SLC13A4: variants seen among roughly 807,000 people sequenced by gnomAD.
SLC13A4 encodes Na(+)/sulfate cotransporter SUT-1.
Under a neutral mutation model 72.7 loss-of-function variants are expected in SLC13A4, and 28 were observed. The observed-to-expected ratio is 0.39, with a 90% CI of 0.29 to 0.53. The LOEUF is 0.53. SLC13A4 is among the 20% of genes least tolerant of loss of function. The pLI, the probability that SLC13A4 is intolerant of heterozygous loss-of-function variation, is 0.78. For synonymous variants in SLC13A4, 312 were observed against 325.5 expected, an observed-to-expected ratio of 0.96 and a Z score of 0.45; for missense variants, 653 against 788.0, an observed-to-expected ratio of 0.83 and a Z score of 2.05.
At chr7:135,715,152 AGT>A (rs1244763394) in intron 2 of SLC13A4, among the ~76,000 whole-genome samples, 2 of 148,984 alleles carry the variant, frequency 1.3e-5, no homozygotes, top group East Asian at 2.0e-4. Context: ...TGTGTGTATG[AGT>A]GTGTGAGAGT....
chr7:135,700,875 C>T (rs1197593764), intron 7 of SLC13A4, among the ~76,000 whole-genome samples: 1 of 152,144 alleles, frequency 6.6e-6, no homozygotes, highest in Non-Finnish European at 1.5e-5. Flanking sequence ...GTCTTGAATT[C>T]CTGAGCTCAA....
chr7:135,714,995 T>C (rs897343578), intron 2 of SLC13A4, among the ~76,000 whole-genome samples: 2 of 151,478 alleles, frequency 1.3e-5, no homozygotes, highest in Non-Finnish European at 2.9e-5. Context: ...TATGTGTGTG[T>C]ATATGTGAGT....
At chr7:135,710,934 A>C (rs2129494988) in intron 2 of SLC13A4, among the ~76,000 whole-genome samples, 1 of 135,552 alleles carries the variant, frequency 7.4e-6, no homozygotes, top group South Asian at 2.5e-4. Context: ...CCTGCTCTGG[A>C]CAGCTTGTGA....
At chr7:135,724,768 C>G (rs1171974008) in intron 1 of SLC13A4, among the ~76,000 whole-genome samples, 1 of 152,128 alleles carries the variant, frequency 6.6e-6, no homozygotes, top group African/African-American at 2.4e-5. Context: ...CAAGAGACAC[C>G]TTTAGAGAGT....
At chr7:135,685,798 A>G in intron 13 of SLC13A4, 115 bp from the exon 14 acceptor site, 2 of 894,790 alleles carry the variant, frequency 2.2e-6, no homozygotes, top group Non-Finnish European at 3.5e-6. Context: ...GGATCCTCTG[A>G]TCTTTAGTCT....
chr7:135,709,605 G>A (rs1796251120), intron 2 of SLC13A4, among the ~76,000 whole-genome samples: 1 of 152,008 alleles, frequency 6.6e-6, no homozygotes, highest in African/African-American at 2.4e-5. Context: ...TTAATTTAAT[G>A]ATGGGGAAGT....
At chr7:135,727,362 C>T (rs1432063064) in intron 1 of SLC13A4, 36 bp downstream of exon 1, 3 of 1,544,326 alleles carry the variant, frequency 1.9e-6, no homozygotes, top group Non-Finnish European at 2.6e-6. Context: ...CTCCCACTGA[C>T]TCCCAGACCC....
chr7:135,721,673 G>A, intron 1 of SLC13A4, 150 bp from the exon 2 acceptor site: 1 of 916,396 alleles, frequency 1.1e-6, no homozygotes, highest in South Asian at 1.6e-5. Flanking sequence ...TGGCAGGCGA[G>A]CATGGTGAAT....
chr7:135,719,037 C>G (rs1327647275), intron 2 of SLC13A4, among the ~76,000 whole-genome samples: 1 of 152,198 alleles, frequency 6.6e-6, no homozygotes, highest in East Asian at 1.9e-4. Context: ...CAGCCAAAGC[C>G]ACGTCATCAG....
chr7:135,727,219 C>T (rs1161263195), intron 1 of SLC13A4, among the ~76,000 whole-genome samples, 179 bp downstream of exon 1: 1 of 152,218 alleles, frequency 6.6e-6, no homozygotes, highest in Non-Finnish European at 1.5e-5. Context: ...AGGAGATGAA[C>T]ATGACAGCTT....
intron 1 of SLC13A4, among the ~76,000 whole-genome samples, chr7:135,724,444 C>T (rs575880135): frequency 7.0e-6 from 1 of 142,282 alleles, no homozygotes; most frequent in South Asian, 2.3e-4. Flanking sequence ...TTGCAGTGAG[C>T]CAAGGTTGTG....
At chr7:135,682,395 G>T (rs1795522695) in intron 15 of SLC13A4, among the ~76,000 whole-genome samples, 1 of 152,242 alleles carries the variant, frequency 6.6e-6, no homozygotes, top group Admixed American at 6.5e-5. Flanking sequence ...AATGTGTCCT[G>T]TAAGGATAGC....
Position 135,685,715 on chromosome 7 carries a change from G to T in SLC13A4, c.1447-32C>A, listed in dbSNP as rs537067684. On this transcript the variant is annotated intron_variant, in intron 13 of 15. Coordinates refer to ENST00000682651, the MANE Select transcript of SLC13A4 (RefSeq NM_001318192.2). The stretch of plus-strand genomic sequence containing the variant: ...GAAGAGGTGTTACAGTAAGAAGAAA[G>T]GAGAAGAAGCACATCCCAGCTAGAG... 3.4e-4 allele frequency: 531 copies of T among 1,578,424 alleles called. 2 individuals carry two copies. In the South Asian group the frequency reaches 5.5e-3, roughly 16 times the overall value.
At chr7:135,713,135 G>A (rs895787603) in intron 2 of SLC13A4, among the ~76,000 whole-genome samples, 3 of 152,204 alleles carry the variant, frequency 2.0e-5, no homozygotes, top group African/African-American at 4.8e-5. Flanking sequence ...CATCCTGTGA[G>A]CTGGGAAGCC....
chr7:135,721,615 A>G, intron 1 of SLC13A4, 92 bp from the exon 2 acceptor site: 2 of 1,529,998 alleles, frequency 1.3e-6, no homozygotes, highest in South Asian at 2.4e-5. Flanking sequence ...CAGCAGACTC[A>G]GACTGTAACG....
intron 8 of SLC13A4, among the ~76,000 whole-genome samples, chr7:135,697,181 C>G (rs1795922259): frequency 6.6e-6 from 1 of 152,248 alleles, no homozygotes; most frequent in Non-Finnish European, 1.5e-5. Flanking sequence ...GGCCCTGTGT[C>G]CCTGTACAGG....
intron 9 of SLC13A4, among the ~76,000 whole-genome samples, chr7:135,694,685 CA>C (rs1478225452): frequency 1.3e-5 from 2 of 152,222 alleles, no homozygotes; most frequent in Non-Finnish European, 2.9e-5. Flanking sequence ...AACAAACACA[CA>C]AACATCTGCG....
chr7:135,702,876 T>G lies in SLC13A4; in HGVS notation c.602A>C (p.Asn201Thr). ...GTGCATCAGAGTGGTGAGGTCTGCG[T>G]TGGACCTGCTGGAACCAAGCAGAGG... The part of the protein sequence containing the change: ...ELIFVNEDRS[N>T]ADLTTLMHNE... Residue 201 changes from asparagine to threonine, a missense_variant, in exon 6 of 16, where the codon AAC (asparagine) becomes ACC (threonine). Coordinates refer to ENST00000682651, the MANE Select transcript of SLC13A4 (RefSeq NM_001318192.2). The G allele has an allele frequency of 6.2e-7, 1 of 1,613,676 alleles. No homozygotes were observed.
At chr7:135,688,737 A>G (rs1051983640) in intron 13 of SLC13A4, among the ~76,000 whole-genome samples, 27 of 152,210 alleles carry the variant, frequency 1.8e-4, no homozygotes, top group African/African-American at 6.5e-4. Context: ...CAAAACTGAA[A>G]TTATTTCAAA....
Sources: gnomAD v4.1 joint callset for allele counts (sites outside exome capture counted in the v4.1 genomes callset) on GRCh38, gnomAD v4.1.1 for gene constraint, MANE v1.5 for transcripts, NCBI Gene and HGNC (gene_info 2026-07-23, HGNC 2026-07-21) for gene names.